SAMD12: variants seen among roughly 807,000 people sequenced by gnomAD.
The protein encoded by SAMD12 is sterile alpha motif domain containing 12, also known as sterile alpha motif domain-containing protein 12.
A neutral mutation model predicts 15.0 loss-of-function variants in SAMD12; 9 were observed. The ratio of observed to expected loss-of-function variants is 0.60; its 90% CI spans 0.36 to 1.05. SAMD12 has a LOEUF of 1.05. Ranked by LOEUF, SAMD12 falls within the 50% of genes least tolerant of loss-of-function variation. The pLI, the probability that SAMD12 is intolerant of heterozygous loss-of-function variation, is 0.01. For synonymous variants in SAMD12, 86 were observed against 90.1 expected (o/e 0.96, Z 0.25); for missense variants, 230 against 234.2 (o/e 0.98, Z 0.12).
At chr8:118,392,304 G>A (rs548209073) in intron 3 of SAMD12, among the ~76,000 whole-genome samples, 2 of 152,254 alleles carry the variant, frequency 1.3e-5, no homozygotes, top group Admixed American at 6.5e-5. Flanking sequence ...GGTGGTGCAC[G>A]CCTGTAGTCC....
intron 2 of SAMD12, among the ~76,000 whole-genome samples, chr8:118,458,128 C>A (rs915491924): frequency 1.3e-5 from 2 of 152,182 alleles, no homozygotes; most frequent in African/African-American, 4.8e-5. Context: ...AAAGACACAC[C>A]ACAAATGCAG....
intron 1 of SAMD12, among the ~76,000 whole-genome samples, chr8:118,606,129 C>A (rs947209605): frequency 6.6e-6 from 1 of 152,056 alleles, no homozygotes; most frequent in Non-Finnish European, 1.5e-5. Context: ...TTACTTGAGT[C>A]ACGCATTAGG....
chr8:118,411,617 T>TACATAG lies in SAMD12; in HGVS notation c.322+28214_322+28215insCTATGT, dbSNP rs59048531. Among the ~76,000 whole-genome samples the TACATAG allele has an allele frequency of 3.2e-3, 482 of 151,840 alleles. 3 individuals carry two copies. Among genetic ancestry groups the TACATAG allele is most frequent in the African/African-American group, 0.011 (460 of 41,374 alleles). ...AGGGGACCCACAATAGTTAAAGGAG[T>TACATAG]TTTGAAGATTTTTATGCATGTTTCT... On this transcript the variant is annotated intron_variant, in intron 3 of 3. Transcript: ENST00000314727.
chr8:118,536,317 A>G (rs1825839781), intron 2 of SAMD12, among the ~76,000 whole-genome samples: 1 of 152,140 alleles, frequency 6.6e-6, no homozygotes, highest in Non-Finnish European at 1.5e-5. Flanking sequence ...CCCTACCTGT[A>G]GATTTTACAG....
In SAMD12 at chr8:118,501,600, C is replaced by T. The variant is rs183392474; in HGVS notation, c.193-61639G>A. 2.6e-5 allele frequency among the ~76,000 whole-genome samples: 4 copies of T among 152,288 alleles called. No individual in the cohort carries two copies. In the East Asian group the frequency reaches 7.7e-4, roughly 29 times the overall value. On this transcript the variant is annotated intron_variant, in intron 2 of 3. Transcript: ENST00000314727. Reference sequence around the variant, plus strand: ...GGAAAGCACCTTCACCATATGTGACCACATATGATGATGGGTTAGTCCCGT... The same window carrying T: ...GGAAAGCACCTTCACCATATGTGACTACATATGATGATGGGTTAGTCCCGT...
At chr8:118,499,653 G>T (rs1824722079) in intron 2 of SAMD12, among the ~76,000 whole-genome samples, 1 of 152,204 alleles carries the variant, frequency 6.6e-6, no homozygotes, top group South Asian at 2.1e-4. Flanking sequence ...AACACAGTCA[G>T]CCAGGGCTAG....
chr8:118,363,307 T>C (rs981965493), intron 4 of SAMD12, among the ~76,000 whole-genome samples: 2 of 152,166 alleles, frequency 1.3e-5, no homozygotes, highest in African/African-American at 4.8e-5. Flanking sequence ...AGGGTGTTTA[T>C]GGATGAGATT....
At chr8:118,587,467 AC>A (rs1012499898) in intron 1 of SAMD12, among the ~76,000 whole-genome samples, 15 of 152,310 alleles carry the variant, frequency 9.8e-5, no homozygotes, top group African/African-American at 3.6e-4. Context: ...TATGGCTACA[AC>A]GCCAATAGCA....
chr8:118,301,166 G>A (rs1045576148), intron 4 of SAMD12, among the ~76,000 whole-genome samples: 1 of 150,594 alleles, frequency 6.6e-6, no homozygotes, highest in Non-Finnish European at 1.5e-5. Flanking sequence ...ACCTTAAGGA[G>A]AAAGAAAAAC....
intron 3 of SAMD12, among the ~76,000 whole-genome samples, chr8:118,394,120 T>C (rs756589683): frequency 3.9e-5 from 6 of 152,222 alleles, no homozygotes; most frequent in African/African-American, 7.2e-5. Context: ...ATCTACATCA[T>C]GTTCCCTTTG....
chr8:118,197,719 A>G (rs7459478), exon 5 of SAMD12: 1 of 1,613,606 alleles, frequency 6.2e-7, no homozygotes, highest in Non-Finnish European at 8.5e-7. Context: ...TTTATGGAGA[A>G]CCCTCAGATG....
At chr8:118,414,820 C>T (rs1213375684) in intron 3 of SAMD12, among the ~76,000 whole-genome samples, 5 of 152,226 alleles carry the variant, frequency 3.3e-5, no homozygotes, top group Admixed American at 1.3e-4. Flanking sequence ...GACCTAGTGG[C>T]GACACTAACC....
intron 4 of SAMD12, among the ~76,000 whole-genome samples, chr8:118,361,435 T>C (rs1392012814): frequency 6.6e-6 from 1 of 152,206 alleles, no homozygotes; most frequent in Non-Finnish European, 1.5e-5. Context: ...GTTTATTCCA[T>C]TTTAATTTTT....
At chr8:118,272,997 C>T (rs1293474978) in intron 4 of SAMD12, among the ~76,000 whole-genome samples, 2 of 152,160 alleles carry the variant, frequency 1.3e-5, no homozygotes, top group Non-Finnish European at 2.9e-5. Flanking sequence ...GTTCCAAAGT[C>T]ACTTCCACAT....
chr8:118,522,500 A>G (rs1394194401), intron 2 of SAMD12, among the ~76,000 whole-genome samples: 2 of 152,164 alleles, frequency 1.3e-5, no homozygotes, highest in African/African-American at 4.8e-5. Flanking sequence ...CAGCAAACAT[A>G]AGCTTTAATG....
chr8:118,569,226 T>C (rs1311597952), intron 2 of SAMD12, among the ~76,000 whole-genome samples: 1 of 152,192 alleles, frequency 6.6e-6, no homozygotes, highest in African/African-American at 2.4e-5. Context: ...CCTCATATTA[T>C]AGGCCAGTCA....
At chr8:118,136,488 C>A in the SAMD12 span, among the ~76,000 whole-genome samples, 1 of 151,904 alleles carries the variant, frequency 6.6e-6, no homozygotes, top group Non-Finnish European at 1.5e-5. Flanking sequence ...TCCAGATGCT[C>A]ACCACTGAAT....
At position 118,216,517 on chromosome 8, in the gene SAMD12, T is replaced by C. The variant is rs141418634; in HGVS notation, c.434-18785A>G. ...TTTCTTGCCATTGCTTTTGGTGCAG[T>C]CATTGAGTGCTTTCTACTCCAGAGA... On this transcript the variant is annotated intron_variant, in intron 4 of 4. Transcript: ENST00000409003. 2.9e-3 allele frequency among the ~76,000 whole-genome samples: 439 copies of C among 152,314 alleles called. 3 individuals are homozygous for C. Among genetic ancestry groups the C allele is most frequent in the African/African-American group, 0.01 (418 of 41,560 alleles).
chr8:118,391,426 TG>T (rs1306297499), intron 3 of SAMD12, among the ~76,000 whole-genome samples: 1 of 152,236 alleles, frequency 6.6e-6, no homozygotes, highest in African/African-American at 2.4e-5. Flanking sequence ...AGAAATCCAC[TG>T]GGCATTAGAC....
Sources: gnomAD v4.1 joint callset for allele counts (sites outside exome capture counted in the v4.1 genomes callset) on GRCh38, gnomAD v4.1.1 for gene constraint, MANE v1.5 for transcripts, NCBI Gene and HGNC (gene_info 2026-07-23, HGNC 2026-07-21) for gene names.